TPH2: variants seen among roughly 807,000 people sequenced by gnomAD.
TPH2 encodes the protein tryptophan hydroxylase 2, also known as tryptophan 5-hydroxylase 2.
In TPH2, 27 loss-of-function variants were observed where a neutral mutation model predicts 59.1. The ratio of observed to expected loss-of-function variants is 0.46; its 90% CI spans 0.34 to 0.63. The LOEUF is 0.63. Among genes scored for constraint, TPH2 ranks in the 30% least tolerant of loss-of-function variants. TPH2 has a pLI of 0.01. For missense variants in TPH2, 523 were observed against 588.3 expected, an observed-to-expected ratio of 0.89 and a Z score of 1.15; for synonymous variants, 220 against 210.5, an observed-to-expected ratio of 1.05 and a Z score of -0.39.
At chr12:71,972,086 A>G (rs7963226) in intron 5 of TPH2, among the ~76,000 whole-genome samples, 127,760 of 152,202 alleles carry the variant, frequency 0.84, 53,764 homozygotes, top group East Asian at 0.96. Flanking sequence ...TGAAGATTGG[A>G]GTGAGTCTGG....
chr12:72,029,232 C>T (rs1873652238), intron 9 of TPH2, among the ~76,000 whole-genome samples: 1 of 152,122 alleles, frequency 6.6e-6, no homozygotes, highest in African/African-American at 2.4e-5. Context: ...CAAGGATGTC[C>T]CAAGGGAGCC....
intron 7 of TPH2, among the ~76,000 whole-genome samples, chr12:71,989,051 A>G (rs1872515436): frequency 6.6e-6 from 1 of 151,964 alleles, no homozygotes; most frequent in Non-Finnish European, 1.5e-5. Flanking sequence ...CTAAGGGGAA[A>G]AAGCAAAGAA....
chr12:71,975,013 G>C lies in TPH2; in HGVS notation c.805+2298G>C, dbSNP rs530225880. Among the ~76,000 whole-genome samples, 6 of 152,212 alleles carry C rather than the reference G, an allele frequency of 3.9e-5. No homozygotes were observed. In the South Asian group the frequency reaches 1.2e-3, roughly 32 times the overall value. On this transcript the variant is annotated intron_variant, in intron 6 of 10. Transcript: ENST00000333850. ...TTTTCGGGCCAAGAGGCAAAATCAA[G>C]GCTATTATATAGGTACTTTTATAGC... is the stretch of plus-strand genomic sequence containing the variant.
chr12:71,952,727 A>C (rs1383142152), intron 5 of TPH2, among the ~76,000 whole-genome samples: 2 of 152,164 alleles, frequency 1.3e-5, no homozygotes, highest in African/African-American at 4.8e-5. Context: ...CCTCTCCTCC[A>C]AGCCAGATGT....
chr12:72,029,397 A>G (rs1473152403), intron 9 of TPH2, among the ~76,000 whole-genome samples: 1 of 152,212 alleles, frequency 6.6e-6, no homozygotes, highest in Non-Finnish European at 1.5e-5. Flanking sequence ...AACGTAGTAC[A>G]TTAAATGTAA....
chr12:71,950,147 C>T (rs1316598646), intron 5 of TPH2, among the ~76,000 whole-genome samples: 1 of 152,072 alleles, frequency 6.6e-6, no homozygotes, highest in Admixed American at 6.5e-5. Flanking sequence ...AGTTTCACAC[C>T]CATTCCCAGA....
At chr12:71,993,728 G>C (rs1566148156) in intron 7 of TPH2, among the ~76,000 whole-genome samples, 2 of 152,194 alleles carry the variant, frequency 1.3e-5, no homozygotes, top group Non-Finnish European at 2.9e-5. Context: ...CAACTTTGAT[G>C]ATGATGACAA....
intron 5 of TPH2, among the ~76,000 whole-genome samples, chr12:71,970,207 T>G (rs908460188): frequency 6.6e-6 from 1 of 152,198 alleles, no homozygotes; most frequent in Non-Finnish European, 1.5e-5. Flanking sequence ...TCTGTTGATA[T>G]GACCGGAGGC....
In TPH2 at chr12:72,021,370, TGTGTGTGTG is replaced by T. The variant is rs1873411177; in HGVS notation, c.1069-1028_1069-1020del. Among the ~76,000 whole-genome samples the T allele has an allele frequency of 2.7e-5, 4 of 149,264 alleles. No individual in the cohort carries two copies. The South Asian group carries it at 8.5e-4, about 32-fold the overall frequency. ...TGGGCCAATAAAGTGTGTGTGTGTG[TGTGTGTGTG>T]TGTGTGTGTGTGTGTGTATGTGTGT... On this transcript the variant is annotated intron_variant, in intron 8 of 10. Coordinates refer to ENST00000333850, the MANE Select transcript of TPH2 (RefSeq NM_173353.4).
At chr12:71,995,199 T>C (rs1872665529) in intron 8 of TPH2, among the ~76,000 whole-genome samples, 1 of 152,140 alleles carries the variant, frequency 6.6e-6, no homozygotes, top group African/African-American at 2.4e-5. Flanking sequence ...GAAGTTCTTC[T>C]GAAAACAAGC....
intron 8 of TPH2, among the ~76,000 whole-genome samples, chr12:71,997,674 T>G (rs1872727298): frequency 6.6e-6 from 1 of 152,146 alleles, no homozygotes; most frequent in Non-Finnish European, 1.5e-5. Context: ...TTCCCTGAAA[T>G]GTACCTGCTT....
chr12:71,990,312 A>G (rs1280852022), intron 7 of TPH2, among the ~76,000 whole-genome samples: 1 of 152,224 alleles, frequency 6.6e-6, no homozygotes, highest in African/African-American at 2.4e-5. Flanking sequence ...CTTTACATGC[A>G]GGACACAGCG....
intron 5 of TPH2, 144 bp from the exon 6 acceptor site, chr12:71,972,375 A>G (rs902267263): frequency 5.0e-6 from 4 of 795,800 alleles, no homozygotes; most frequent in African/African-American, 1.7e-5. Context: ...CATTTGCTTT[A>G]AAAAATAATA....
In TPH2 at chr12:71,974,145, C is replaced by T. The variant is rs77267047; in HGVS notation, c.805+1430C>T. Among the ~76,000 whole-genome samples, 1,357 of 152,210 alleles carry T rather than the reference C, an allele frequency of 8.9e-3. 26 individuals are homozygous for T. Among genetic ancestry groups the T allele is most frequent in the African/African-American group, 0.031 (1,292 of 41,500 alleles). ...TGGAACTTGCTTTCTTGCTTGTCTT[C>T]TCAGTTTCTATCAGTACTGTTTTTT... On this transcript the variant is annotated intron_variant, in intron 6 of 10. Transcript: ENST00000333850.
intron 6 of TPH2, 140 bp downstream of exon 6, chr12:71,972,855 C>T (rs185698375): frequency 6.0e-5 from 52 of 861,370 alleles, no homozygotes; most frequent in Non-Finnish European, 8.3e-5. Flanking sequence ...CAACAATTAC[C>T]TGCGGCCACC....
intron 8 of TPH2, among the ~76,000 whole-genome samples, chr12:72,000,486 C>T (rs1872795466): frequency 6.6e-6 from 1 of 152,106 alleles, no homozygotes; most frequent in African/African-American, 2.4e-5. Flanking sequence ...TAGAGTGAGG[C>T]CTGAGACTTG....
chr12:72,006,709 G>A (rs148817061), intron 8 of TPH2, among the ~76,000 whole-genome samples: 28 of 152,142 alleles, frequency 1.8e-4, no homozygotes, highest in African/African-American at 5.1e-4. Flanking sequence ...TCAAGGTGTC[G>A]CTGGAAAAAT....
chr12:71,962,292 G>A (rs1231470317), intron 5 of TPH2: 1 of 985,302 alleles, frequency 1.0e-6, no homozygotes, highest in Non-Finnish European at 1.2e-6. Context: ...GTGCTCTGTA[G>A]CCTTGGAAAT....
intron 5 of TPH2, among the ~76,000 whole-genome samples, chr12:71,970,270 A>G (rs1871938063): frequency 1.3e-5 from 2 of 152,204 alleles, no homozygotes; most frequent in African/African-American, 4.8e-5. Flanking sequence ...TTTTTAACTC[A>G]AAGAGCAGGA....
Sources: allele counts gnomAD v4.1 joint callset (sites outside exome capture counted in the v4.1 genomes callset), GRCh38; gene constraint gnomAD v4.1.1; transcripts MANE v1.5; gene names NCBI Gene and HGNC (gene_info 2026-07-23, HGNC 2026-07-21).